Variants in RMDN2 observed in about 807,000 individuals in gnomAD.
RMDN2 encodes the protein regulator of microtubule dynamics 2, also known as regulator of microtubule dynamics protein 2.
RMDN2 carries 61 observed loss-of-function variants against 52.8 expected under a neutral mutation model. That is an observed-to-expected ratio of 1.16 (90% CI 0.94 to 1.43). The LOEUF is 1.43. Ranked by LOEUF, RMDN2 falls within the 40% of genes most tolerant of loss-of-function variation. The pLI is 0.00. For missense variants in RMDN2, 592 were observed against 475.3 expected (o/e 1.25, Z -2.28); for synonymous variants, 180 against 153.1 (o/e 1.18, Z -1.30).
chr2:37,951,275 A>C (rs1440241013), intron 2 of RMDN2: 1 of 1,605,040 alleles, frequency 6.2e-7, no homozygotes, highest in East Asian at 2.2e-5. Context: ...GTTCTCCAGA[A>C]GATCAAGTTA....
At chr2:37,977,743 T>C (rs1672713644) in intron 4 of RMDN2, among the ~76,000 whole-genome samples, 1 of 144,294 alleles carries the variant, frequency 6.9e-6, no homozygotes, top group African/African-American at 2.6e-5. Context: ...GCAGAGGCGC[T>C]CCCCACATCC....
At chr2:37,991,766 C>G (rs1310367748) in intron 7 of RMDN2, among the ~76,000 whole-genome samples, 2 of 152,148 alleles carry the variant, frequency 1.3e-5, no homozygotes, top group Non-Finnish European at 2.9e-5. Context: ...TGCTAACTAA[C>G]TGGCCAGGGA....
At chr2:38,060,061 CTATTTTATTT>C (rs72343040) in intron 10 of RMDN2, among the ~76,000 whole-genome samples, 70,094 of 128,298 alleles carry the variant, frequency 0.55, 20,804 homozygotes, top group East Asian at 0.81. Context: ...CGACGCCCAG[CTATTTTATTT>C]TATTTTATTT....
At position 38,063,013 on chromosome 2, in the gene RMDN2, A is replaced by T. The variant is rs564553838; in HGVS notation, c.1714-3969A>T. On this transcript the variant is annotated intron_variant, in intron 10 of 10. Transcript: ENST00000234195. The stretch of plus-strand genomic sequence containing the variant: ...GTGCCATATTTTCTTAATCCAGTCT[A>T]TCGTTGTTGGACATTTGGGTTGGTT... Among the ~76,000 whole-genome samples, 662 of 152,172 alleles carry T rather than the reference A, an allele frequency of 4.4e-3. 2 individuals carry two copies. Among genetic ancestry groups the T allele is most frequent in the Non-Finnish European group, 7.1e-3 (483 of 67,996 alleles).
chr2:37,960,599 T>G (rs916911364), intron 2 of RMDN2, among the ~76,000 whole-genome samples: 12 of 152,204 alleles, frequency 7.9e-5, no homozygotes, highest in Admixed American at 3.9e-4. Context: ...TTATCCAATT[T>G]GCCAGTCTGT....
chr2:37,951,739 T>A (rs1427276589), intron 2 of RMDN2: 1 of 1,612,670 alleles, frequency 6.2e-7, no homozygotes, highest in Admixed American at 1.7e-5. Context: ...AAAAAACATA[T>A]AACCATCTCT....
chr2:37,934,315 G>A (rs537427866), intron 2 of RMDN2, among the ~76,000 whole-genome samples: 1 of 152,180 alleles, frequency 6.6e-6, no homozygotes, highest in Non-Finnish European at 1.5e-5. Context: ...CTTGTATTCT[G>A]TCTCTTAGTA....
chr2:38,002,275 A>C (rs1348748), intron 8 of RMDN2, among the ~76,000 whole-genome samples: 68,338 of 152,022 alleles, frequency 0.45, 17,614 homozygotes, highest in East Asian at 0.78. Context: ...CCCTTACAGG[A>C]ATAAACACAC....
intron 2 of RMDN2, among the ~76,000 whole-genome samples, chr2:37,967,796 G>A (rs563718588): frequency 7.1e-4 from 108 of 152,018 alleles, no homozygotes; most frequent in African/African-American, 2.5e-3. Flanking sequence ...TTCAACTTTT[G>A]TTTCCTAATC....
intron 2 of RMDN2, among the ~76,000 whole-genome samples, chr2:37,964,054 C>T (rs1471517148): frequency 1.3e-5 from 2 of 151,750 alleles, no homozygotes; most frequent in African/African-American, 2.4e-5. Context: ...ACCTCCCTCC[C>T]GGACGTGGCG....
intron 2 of RMDN2, among the ~76,000 whole-genome samples, chr2:37,940,303 C>A (rs1347639904): frequency 6.6e-6 from 1 of 152,274 alleles, no homozygotes; most frequent in East Asian, 1.9e-4. Flanking sequence ...TTCTCTCTGG[C>A]TGTCCTTAAT....
chr2:37,995,288 G>A (rs891960036), intron 7 of RMDN2, among the ~76,000 whole-genome samples: 2 of 151,600 alleles, frequency 1.3e-5, no homozygotes, highest in Admixed American at 6.6e-5. Context: ...ATCTGTTGGG[G>A]GTCCTGGAAT....
At position 38,055,574 on chromosome 2, in the gene RMDN2, C is replaced by T. The variant is rs114537874; in HGVS notation, c.1714-11408C>T. Among the ~76,000 whole-genome samples, 643 of 152,286 alleles carry T rather than the reference C, an allele frequency of 4.2e-3. 4 individuals carry two copies. The highest frequency in any genetic ancestry group is 0.014 in the African/African-American group (598 of 41,544). On this transcript the variant is annotated intron_variant, in intron 10 of 10. Transcript: ENST00000234195. Reference sequence around the variant, plus strand: ...GACCCCATCAAGGACAAGATCTTTGCATCTTTTCATACAGTCATTTTTGAA... The same window carrying T: ...GACCCCATCAAGGACAAGATCTTTGTATCTTTTCATACAGTCATTTTTGAA...
At chr2:37,981,235 C>T (rs1357847482) in intron 4 of RMDN2, 48 bp from the exon 5 acceptor site, 1 of 1,130,188 alleles carries the variant, frequency 8.8e-7, no homozygotes, top group Non-Finnish European at 1.4e-6. Context: ...AATCCACCTC[C>T]TACCAACTCA....
intron 2 of RMDN2, among the ~76,000 whole-genome samples, chr2:37,933,987 A>T (rs1667082417): frequency 6.6e-6 from 1 of 152,088 alleles, no homozygotes; most frequent in African/African-American, 2.4e-5. Flanking sequence ...CATGGGGAGG[A>T]AGAGTCATCC....
At chr2:37,974,313 C>A in intron 3 of RMDN2, 99 bp downstream of exon 3, 2 of 727,618 alleles carry the variant, frequency 2.7e-6, no homozygotes, top group Non-Finnish European at 4.0e-6. Context: ...ATGGTTCCCA[C>A]ATTTTGATGA....
intron 5 of RMDN2, among the ~76,000 whole-genome samples, chr2:37,986,254 A>G (rs1674001787): frequency 6.6e-6 from 1 of 152,204 alleles, no homozygotes; most frequent in South Asian, 2.1e-4. Flanking sequence ...TCAAAATAAC[A>G]TGGTGAGTAG....
chr2:37,934,704 C>A (rs1204861438), intron 2 of RMDN2, among the ~76,000 whole-genome samples: 1 of 151,904 alleles, frequency 6.6e-6, no homozygotes, highest in Non-Finnish European at 1.5e-5. Flanking sequence ...CTGGTTGGGT[C>A]CCTTTGAGGA....
At chr2:37,999,405 A>G (rs946780313) in intron 8 of RMDN2, among the ~76,000 whole-genome samples, 1 of 152,106 alleles carries the variant, frequency 6.6e-6, no homozygotes, top group Non-Finnish European at 1.5e-5. Context: ...CTCAGCAAAA[A>G]CTCACGGAAT....
Sources: allele counts gnomAD v4.1 joint callset (sites outside exome capture counted in the v4.1 genomes callset), GRCh38; gene constraint gnomAD v4.1.1; transcripts MANE v1.5; gene names NCBI Gene and HGNC (gene_info 2026-07-23, HGNC 2026-07-21).